TAF11: variants seen among roughly 807,000 people sequenced by gnomAD.
TAF11 encodes the protein TATA-box binding protein associated factor 11, also known as transcription initiation factor TFIID subunit 11.
TAF11 carries 10 observed loss-of-function variants against 23.0 expected under a neutral mutation model. The ratio of observed to expected loss-of-function variants is 0.43; its 90% CI spans 0.27 to 0.74. The LOEUF is 0.74. Among genes scored for constraint, TAF11 ranks in the 30% least tolerant of loss-of-function variants. The probability of loss-of-function intolerance (pLI) is 0.19; values close to 1 mark genes in which losing one functional copy is unlikely to be tolerated. For missense variants in TAF11, 196 were observed against 261.7 expected, an observed-to-expected ratio of 0.75 and a Z score of 1.73; for synonymous variants, 85 against 95.8, an observed-to-expected ratio of 0.89 and a Z score of 0.66.
chr6:34,886,657 G>A lies in TAF11; in HGVS notation c.171+1130C>T, dbSNP rs1234146850. On this transcript the variant is annotated intron_variant, in intron 1 of 4. Coordinates refer to ENST00000361288, the MANE Select transcript of TAF11 (RefSeq NM_005643.4). The stretch of plus-strand genomic sequence containing the variant: ...ATTTTTGTATTTTTAGTAGAGACGG[G>A]GTTTCGCCATGTTGGCCAGGCTGGT... Among the ~76,000 whole-genome samples the A allele has an allele frequency of 4.0e-5, 6 of 151,860 alleles. No individual in the cohort carries two copies. The East Asian group carries it at 9.9e-4, about 25-fold the overall frequency.
chr6:34,879,732 C>T, intron 4 of TAF11: 2 of 985,392 alleles, frequency 2.0e-6, no homozygotes, highest in Non-Finnish European at 2.4e-6. Flanking sequence ...TTCTTTCACC[C>T]TGGGCTGAGG....
At position 34,888,011 on chromosome 6, in the gene TAF11, T is replaced by G; in HGVS notation, c.-54A>C. On this transcript the variant is annotated 5_prime_UTR_variant, in exon 1 of 5. Coordinates refer to ENST00000361288, the MANE Select transcript of TAF11 (RefSeq NM_005643.4). ...TCGCGGAGATGCCTGAGGCAGAAGC[T>G]CGGAAACCCGAGCTGCACAGGCCAG... The G allele has an allele frequency of 1.2e-6, 2 of 1,607,458 alleles. No homozygotes were observed. Among genetic ancestry groups the G allele is most frequent in the Non-Finnish European group, 1.7e-6 (2 of 1,176,670 alleles).
rs1470635783 is a variant in TAF11, at chr6:34,878,258, A to T, written c.*332T>A. 4.2e-6 allele frequency: 1 copy of T among 235,866 alleles called. No homozygotes were observed. The highest frequency in any genetic ancestry group is 8.4e-6 in the Non-Finnish European group (1 of 119,564). 14.6% of individuals were successfully genotyped at this position (235,866 alleles called of 1,614,324 possible). On this transcript the variant is annotated 3_prime_UTR_variant, in exon 5 of 5. Transcript: ENST00000361288. ...CCCTATCTCAAACAAAACGAAACCAAAACAAAACAAAACTCTCTTGGAAAG... is the reference window on the plus strand; with the variant it reads ...CCCTATCTCAAACAAAACGAAACCATAACAAAACAAAACTCTCTTGGAAAG...
At chr6:34,887,736 T>A in intron 1 of TAF11, 51 bp downstream of exon 1, 1 of 1,609,808 alleles carries the variant, frequency 6.2e-7, no homozygotes, top group Non-Finnish European at 8.5e-7. Context: ...GAGCAGCCAG[T>A]AACACAATCT....
At chr6:34,883,189 G>A in intron 1 of TAF11, 109 bp from the exon 2 acceptor site, 1 of 1,155,736 alleles carries the variant, frequency 8.7e-7, no homozygotes, top group South Asian at 1.5e-5. Context: ...TTATTGAGTA[G>A]TTTTTCAGTT....
In TAF11 at chr6:34,878,580, A is replaced by G; in HGVS notation, c.*10T>C. 6.9e-7 allele frequency: 1 copy of G among 1,458,848 alleles called. No individual in the cohort carries two copies. The highest frequency in any genetic ancestry group is 1.4e-5 in the African/African-American group (1 of 71,878). The allele number at this position is 1,458,848 out of a possible 1,614,324, so 90.4% of individuals were successfully genotyped here. On this transcript the variant is annotated 3_prime_UTR_variant, in exon 5 of 5. Coordinates refer to ENST00000361288, the MANE Select transcript of TAF11 (RefSeq NM_005643.4). ...TTCCGTCAGTAACATAGGCCTTTCT[A>G]GACTTTGGTCTAGAAGAAGATGATT...
intron 2 of TAF11, 144 bp downstream of exon 2, chr6:34,882,788 A>T: frequency 9.8e-7 from 1 of 1,023,242 alleles, no homozygotes. Context: ...TACAGGCGTG[A>T]GCCACCATGC....
intron 4 of TAF11, 42 bp downstream of exon 4, chr6:34,879,925 C>T (rs1235780547): frequency 1.3e-6 from 2 of 1,595,114 alleles, no homozygotes; most frequent in African/African-American, 1.3e-5. Flanking sequence ...AAAATAAGAC[C>T]ACCACAGGTA....
intron 1 of TAF11, among the ~76,000 whole-genome samples, chr6:34,884,322 C>T (rs1211364542): frequency 2.0e-5 from 3 of 152,030 alleles, no homozygotes; most frequent in African/African-American, 4.8e-5. Flanking sequence ...GAACAGAAAA[C>T]CAAATACTGC....
At position 34,883,094 on chromosome 6, in the gene TAF11, A is replaced by G; in HGVS notation, c.172-14T>C. The G allele has an allele frequency of 6.2e-7, 1 of 1,605,418 alleles. No homozygotes were observed. The highest frequency in any genetic ancestry group is 8.5e-7 in the Non-Finnish European group (1 of 1,178,074). On this transcript the variant is annotated splice_polypyrimidine_tract_variant and intron_variant, in intron 1 of 4. Coordinates refer to ENST00000361288, the MANE Select transcript of TAF11 (RefSeq NM_005643.4). ...CTGACTCTCGAGCTGGGAAGATGAA[A>G]GAAACTCTATTATATATTTGGCCTA...
intron 1 of TAF11, among the ~76,000 whole-genome samples, chr6:34,886,667 T>A (rs1383382334): frequency 6.6e-6 from 1 of 151,934 alleles, no homozygotes; most frequent in Non-Finnish European, 1.5e-5. Flanking sequence ...GGTTTCGCCA[T>A]GTTGGCCAGG....
chr6:34,880,314 G>C lies in TAF11; in HGVS notation c.383C>G (p.Ala128Gly). Residue 128 changes from alanine (A) to glycine (G), a missense_variant, in exon 3 of 5, where the codon GCT becomes GGT. Transcript: ENST00000361288. This position sits in a 1 kb window ranked among gnomAD's most constrained non-coding sequence, Gnocchi z 4.8. ...CCTTTTGATGGCTGCCTTAGGGAAA[G>C]CTGAGCGGCGATACATTTCATAACG... The part of the protein sequence containing the change: ...LNRYEMYRRS[A>G]FPKAAIKRLI... The C allele has an allele frequency of 6.2e-7, 1 of 1,614,164 alleles. No homozygotes were observed. Among genetic ancestry groups the C allele is most frequent in the Non-Finnish European group, 8.5e-7 (1 of 1,180,006 alleles).
intron 2 of TAF11, 49 bp downstream of exon 2, chr6:34,882,883 G>C: frequency 6.6e-7 from 1 of 1,516,910 alleles, no homozygotes; most frequent in South Asian, 1.3e-5. Context: ...TTAAATTTGT[G>C]TGGTCAAGTG....
At chr6:34,879,228 TA>T (rs1766373189) in intron 4 of TAF11, 1 of 228,052 alleles carries the variant, frequency 4.4e-6, no homozygotes, top group Non-Finnish European at 7.2e-6. Context: ...AAAATAAAAT[TA>T]AAAATTAGCC....
intron 1 of TAF11, 55 bp downstream of exon 1, chr6:34,887,728 GCAGC>G: frequency 1.2e-6 from 2 of 1,603,610 alleles, no homozygotes; most frequent in Non-Finnish European, 1.7e-6. Flanking sequence ...AGCCCGGCGA[GCAGC>G]CAGTAACACA....
At chr6:34,882,135 C>T (rs989124142) in intron 2 of TAF11, among the ~76,000 whole-genome samples, 100 of 144,098 alleles carry the variant, frequency 6.9e-4, no homozygotes, top group African/African-American at 2.5e-3. Flanking sequence ...GTCAGGAGTT[C>T]GAGACCCGCC....
rs372882594 is a variant in TAF11 at position 34,880,392 on chromosome 6, G to T, written c.321-16C>A. The T allele has an allele frequency of 1.2e-6, 2 of 1,610,878 alleles. No homozygotes were observed. Among genetic ancestry groups the T allele is most frequent in the South Asian group, 2.2e-5 (2 of 90,840 alleles). ...AACCAGGATTCTAAACAAAGATCCA[G>T]GTAACTAAGTTAACTTATAAGAACG... On this transcript the variant is annotated splice_polypyrimidine_tract_variant and intron_variant, in intron 2 of 4. Transcript: ENST00000361288. The surrounding 1 kb of genome is among the most constrained non-coding windows in gnomAD (Gnocchi z 4.8).
Position 34,878,378 on chromosome 6 carries a change from C to T in TAF11, c.*212G>A. 1.9e-6 allele frequency: 1 copy of T among 538,618 alleles called. No individual in the cohort carries two copies. Among genetic ancestry groups the T allele is most frequent in the East Asian group, 2.9e-5 (1 of 34,526 alleles). The allele number at this position is 538,618 out of a possible 1,614,324, so 33.4% of individuals were successfully genotyped here. On this transcript the variant is annotated 3_prime_UTR_variant, in exon 5 of 5. Transcript: ENST00000361288. Reference sequence around the variant, plus strand: ...CAAGACAGTTAAATACTTCAAAATGCCCCAAGAGGTCCCAAAATTTAGTCA... The same window carrying T: ...CAAGACAGTTAAATACTTCAAAATGTCCCAAGAGGTCCCAAAATTTAGTCA...
At chr6:34,885,158 T>C (rs1006206926) in intron 1 of TAF11, among the ~76,000 whole-genome samples, 1 of 152,032 alleles carries the variant, frequency 6.6e-6, no homozygotes, top group Non-Finnish European at 1.5e-5. Context: ...CATAGCTCAC[T>C]GAAGCCTCAA....
Sources: gnomAD v4.1 joint callset for allele counts (sites outside exome capture counted in the v4.1 genomes callset) on GRCh38, gnomAD v4.1.1 for gene constraint, Gnocchi (gnomAD v3.1) non-coding constraint, MANE v1.5 for transcripts, NCBI Gene and HGNC (gene_info 2026-07-23, HGNC 2026-07-21) for gene names.